Variants in CAST observed in about 807,000 individuals in gnomAD.
The protein encoded by CAST is MIR583 host.
In CAST, 76 loss-of-function variants were observed where a neutral mutation model predicts 119.6. The observed-to-expected ratio is 0.64, with a 90% CI of 0.53 to 0.77. The LOEUF (loss-of-function observed/expected upper bound fraction) is 0.77, where lower values mean the gene tolerates loss of function less well. Among genes scored for constraint, CAST ranks in the 30% least tolerant of loss-of-function variants. The probability of loss-of-function intolerance (pLI) is 0.00; values close to 1 mark genes in which losing one functional copy is unlikely to be tolerated. For synonymous variants in CAST, 319 were observed against 331.6 expected (o/e 0.96, Z 0.41); for missense variants, 953 against 946.5 (o/e 1.01, Z -0.09).
chr5:96,584,488 G>A (rs1165790074), intron 1 of CAST: 1 of 152,298 alleles, frequency 6.6e-6, no homozygotes, highest in East Asian at 1.9e-4. Flanking sequence ...TAAACTAGGT[G>A]GAGCAAAGTA....
the CAST span, among the ~76,000 whole-genome samples, chr5:96,023,741 G>C: frequency 6.6e-6 from 1 of 151,946 alleles, no homozygotes; most frequent in Non-Finnish European, 1.5e-5. Flanking sequence ...AATGTTATGA[G>C]TCAAGCTTAC....
At chr5:96,089,066 CTTTTTTT>C in the CAST span, among the ~76,000 whole-genome samples, 21 of 117,706 alleles carry the variant, frequency 1.8e-4, no homozygotes, top group African/African-American at 4.0e-4. Context: ...CTCCAAAAAT[CTTTTTTT>C]TTTTTTTTTT....
the CAST span, among the ~76,000 whole-genome samples, chr5:96,420,576 A>AGGAAGAAAT: frequency 0.024 from 3,708 of 152,200 alleles, 150 homozygotes; most frequent in African/African-American, 0.085. Context: ...ATTTTCCCCA[A>AGGAAGAAAT]GGAAGAAATA....
the CAST span, among the ~76,000 whole-genome samples, chr5:96,384,224 A>T: frequency 6.6e-6 from 1 of 152,186 alleles, no homozygotes; most frequent in African/African-American, 2.4e-5. Context: ...AGAAAATTAG[A>T]TAATTCCTTC....
At chr5:96,539,194 A>T (rs1156781404) in intron 1 of CAST, among the ~76,000 whole-genome samples, 2 of 152,198 alleles carry the variant, frequency 1.3e-5, no homozygotes, top group Non-Finnish European at 2.9e-5. Context: ...GGATATAGTG[A>T]GTTGTTGAGA....
chr5:96,232,399 C>G, the CAST span, among the ~76,000 whole-genome samples: 1 of 152,136 alleles, frequency 6.6e-6, no homozygotes, highest in African/African-American at 2.4e-5. Flanking sequence ...ATAAAAACTA[C>G]AAGGATTGAA....
intron 1 of CAST, among the ~76,000 whole-genome samples, chr5:96,653,761 A>C (rs553935463): frequency 6.6e-6 from 1 of 152,328 alleles, no homozygotes; most frequent in Admixed American, 6.5e-5. Flanking sequence ...AAAAGAAAAA[A>C]GAATTTGGGG....
chr5:96,148,343 G>A, the CAST span, among the ~76,000 whole-genome samples: 2 of 152,064 alleles, frequency 1.3e-5, no homozygotes, highest in Non-Finnish European at 2.9e-5. Flanking sequence ...TGTCTGTTCG[G>A]CACACTAAAA....
chr5:96,432,972 C>T, the CAST span: 2 of 1,614,116 alleles, frequency 1.2e-6, no homozygotes, highest in South Asian at 1.1e-5. Flanking sequence ...CGCTTTTGCA[C>T]TGTTCAGTGC....
the CAST span, among the ~76,000 whole-genome samples, chr5:96,164,995 T>A: frequency 6.6e-6 from 1 of 152,104 alleles, no homozygotes; most frequent in Non-Finnish European, 1.5e-5. Context: ...GAGATGGTTA[T>A]ATACATTATT....
At chr5:96,663,893 T>C (rs753887725) in intron 1 of CAST, among the ~76,000 whole-genome samples, 2 of 150,428 alleles carry the variant, frequency 1.3e-5, no homozygotes, top group African/African-American at 2.4e-5. Flanking sequence ...CTGGCACTTC[T>C]AGTGTTTTGG....
chr5:96,698,305 AG>A (rs1753531898), intron 3 of CAST, among the ~76,000 whole-genome samples: 1 of 152,208 alleles, frequency 6.6e-6, no homozygotes, highest in Non-Finnish European at 1.5e-5. Context: ...TGGGAGGGGC[AG>A]GGCATAACTG....
chr5:96,139,852 A>AG, the CAST span, among the ~76,000 whole-genome samples: 1 of 152,106 alleles, frequency 6.6e-6, no homozygotes, highest in African/African-American at 2.4e-5. Flanking sequence ...TTTTTATTGC[A>AG]GTAAAACTTT....
chr5:96,691,531 G>T (rs1166612696), intron 2 of CAST, among the ~76,000 whole-genome samples: 1 of 152,192 alleles, frequency 6.6e-6, no homozygotes, highest in Non-Finnish European at 1.5e-5. Context: ...CAGACCCACT[G>T]GGGTTGCCCT....
At chr5:96,079,066 A>G in the CAST span, 1 of 438,986 alleles carries the variant, frequency 2.3e-6, no homozygotes, top group Non-Finnish European at 4.6e-6. Flanking sequence ...ACAAACCTGT[A>G]TATGTACCCA....
At chr5:96,766,530 A>G (rs569034291) in intron 27 of CAST, among the ~76,000 whole-genome samples, 11 of 152,332 alleles carry the variant, frequency 7.2e-5, no homozygotes, top group African/African-American at 2.6e-4. Flanking sequence ...ATTAATAGGG[A>G]AAATTAATAA....
chr5:96,253,382 C>T, the CAST span, among the ~76,000 whole-genome samples: 8 of 152,074 alleles, frequency 5.3e-5, no homozygotes, highest in African/African-American at 1.9e-4. Flanking sequence ...ATTCCAAAAC[C>T]ATAAAATCTC....
chr5:96,559,929 G>A (rs886876103), intron 1 of CAST, among the ~76,000 whole-genome samples: 7 of 152,262 alleles, frequency 4.6e-5, no homozygotes, highest in South Asian at 2.1e-4. Context: ...AAAGCTGGAG[G>A]CGTCACACTA....
chr5:96,295,043 A>G, the CAST span, among the ~76,000 whole-genome samples: 5 of 152,200 alleles, frequency 3.3e-5, no homozygotes, highest in African/African-American at 1.2e-4. Context: ...ATCATTCACT[A>G]CAAAGGGAAA....
Sources: gnomAD v4.1 joint callset for allele counts (sites outside exome capture counted in the v4.1 genomes callset) on GRCh38, gnomAD v4.1.1 for gene constraint, MANE v1.5 for transcripts, NCBI Gene and HGNC (gene_info 2026-07-23, HGNC 2026-07-21) for gene names.